PTGR3: variants seen among roughly 807,000 people sequenced by gnomAD.
The protein encoded by PTGR3 is zinc binding alcohol dehydrogenase domain containing 2.
At chr18:75,201,230 A>AT in the PTGR3 span, 6,247 of 472,594 alleles carry the variant, frequency 0.013, no homozygotes, top group Middle Eastern at 0.018. Context: ...TTATTAGCAC[A>AT]TTTTTTTTTT....
At chr18:75,197,181 A>C in the PTGR3 span, 1 of 152,176 alleles carries the variant, frequency 6.6e-6, no homozygotes, top group South Asian at 2.1e-4. Flanking sequence ...GTTTAAAATG[A>C]AAAAAATAGA....
At chr18:75,201,718 G>A in the PTGR3 span, 72 of 1,614,104 alleles carry the variant, frequency 4.5e-5, no homozygotes, top group Non-Finnish European at 5.4e-5. Context: ...AGGCCAGTAG[G>A]AGTTTGGTAG....
At chr18:75,208,981 G>A in the PTGR3 span, 8 of 1,594,358 alleles carry the variant, frequency 5.0e-6, no homozygotes, top group Non-Finnish European at 5.1e-6. Flanking sequence ...GAATGGCGGA[G>A]CCCTGGAAGT....
At chr18:75,198,844 C>T in the PTGR3 span, 1 of 152,442 alleles carries the variant, frequency 6.6e-6, no homozygotes, top group Non-Finnish European at 1.5e-5. Context: ...TATGGATGTA[C>T]TTTTTGTGAT....
chr18:75,205,404 A>G, the PTGR3 span: 41 of 984,630 alleles, frequency 4.2e-5, no homozygotes, highest in Non-Finnish European at 4.7e-5. Flanking sequence ...AACTGTGTGC[A>G]TGCAGTGAGC....
the PTGR3 span, chr18:75,199,413 A>T: frequency 2.8e-4 from 42 of 152,426 alleles, no homozygotes; most frequent in African/African-American, 9.9e-4. Flanking sequence ...TCTGCATAAG[A>T]AGCAACTAAG....
the PTGR3 span, among the ~76,000 whole-genome samples, chr18:75,207,986 AG>A: frequency 1.2e-4 from 17 of 144,390 alleles, no homozygotes. Context: ...TCGGGCAGCC[AG>A]GGACCCACGG....
chr18:75,205,458 A>G, the PTGR3 span: 7 of 985,410 alleles, frequency 7.1e-6, no homozygotes, highest in Non-Finnish European at 8.4e-6. Flanking sequence ...TTAAAAGACT[A>G]AAATCCAGAA....
the PTGR3 span, chr18:75,201,980 C>T: frequency 6.2e-7 from 1 of 1,614,248 alleles, no homozygotes; most frequent in Non-Finnish European, 8.5e-7. Flanking sequence ...TTGAAAGCTG[C>T]ATGGCAAACT....
the PTGR3 span, chr18:75,208,793 C>T: frequency 2.1e-5 from 28 of 1,331,624 alleles, no homozygotes; most frequent in Non-Finnish European, 2.6e-5. Context: ...AGCGGCGCGG[C>T]GCGGCGCGAG....
At chr18:75,202,489 G>T in the PTGR3 span, 1 of 649,234 alleles carries the variant, frequency 1.5e-6, no homozygotes, top group Non-Finnish European at 2.6e-6. Context: ...TAGTCCTGCT[G>T]CTCAGATAAA....
the PTGR3 span, chr18:75,200,656 T>A: frequency 6.6e-6 from 1 of 152,000 alleles, no homozygotes; most frequent in Non-Finnish European, 1.5e-5. Context: ...CTATATTAAT[T>A]TTAAGTCCCC....
the PTGR3 span, chr18:75,208,428 C>T: frequency 2.0e-6 from 2 of 994,072 alleles, no homozygotes; most frequent in African/African-American, 3.5e-5. Flanking sequence ...ACCTAAACGT[C>T]GCAGTTTGCG....
At chr18:75,198,974 T>A in the PTGR3 span, 49 of 152,646 alleles carry the variant, frequency 3.2e-4, 1 homozygote, top group East Asian at 5.4e-3. Flanking sequence ...GACCCTCAAT[T>A]TACAAATCAT....
At chr18:75,197,083 A>G in the PTGR3 span, 1 of 152,122 alleles carries the variant, frequency 6.6e-6, no homozygotes, top group Non-Finnish European at 1.5e-5. Context: ...TGTTCATGGT[A>G]ACAGCAGTAA....
At chr18:75,203,748 ATT>A in the PTGR3 span, among the ~76,000 whole-genome samples, 1 of 149,476 alleles carries the variant, frequency 6.7e-6, no homozygotes, top group Admixed American at 6.9e-5. Flanking sequence ...CCTACGTTCT[ATT>A]TTTTTTTTCC....
the PTGR3 span, chr18:75,208,487 G>A: frequency 6.8e-6 from 7 of 1,034,798 alleles, no homozygotes; most frequent in African/African-American, 6.8e-5. Context: ...CGCAGGAACT[G>A]TGGGTGCGCG....
At chr18:75,195,491 C>T in the PTGR3 span, 2 of 152,256 alleles carry the variant, frequency 1.3e-5, no homozygotes, top group Non-Finnish European at 2.9e-5. Flanking sequence ...GTTCCAGCTT[C>T]ACTTCTGAGT....
At chr18:75,201,827 G>C in the PTGR3 span, 1 of 1,614,086 alleles carries the variant, frequency 6.2e-7, no homozygotes, top group Non-Finnish European at 8.5e-7. Flanking sequence ...AGACCACATC[G>C]ACACCTTCAG....
Sources: gnomAD v4.1 joint callset for allele counts (sites outside exome capture counted in the v4.1 genomes callset) on GRCh38, gnomAD v4.1.1 for gene constraint, MANE v1.5 for transcripts, NCBI Gene and HGNC (gene_info 2026-07-23, HGNC 2026-07-21) for gene names.